The following CD226 variants were observed in gnomAD, a reference collection of about 807,000 sequenced individuals.
CD226 encodes the protein CD226 molecule, also known as CD226 antigen.
CD226 carries 24 observed loss-of-function variants against 34.9 expected under a neutral mutation model. The ratio of observed to expected loss-of-function variants is 0.69; its 90% CI spans 0.50 to 0.97. The LOEUF (loss-of-function observed/expected upper bound fraction) is 0.97. Ranked by LOEUF, CD226 falls within the 50% of genes least tolerant of loss-of-function variation. The pLI, the probability that CD226 is intolerant of heterozygous loss-of-function variation, is 0.00. For synonymous variants in CD226, 148 were observed against 147.4 expected (o/e 1.00, Z -0.03); for missense variants, 397 against 412.7 (o/e 0.96, Z 0.33).
At chr18:69,944,572 T>C (rs575939890) in intron 2 of CD226, 1 of 152,370 alleles carries the variant, frequency 6.6e-6, no homozygotes, top group East Asian at 1.9e-4. Flanking sequence ...GGTTGTCCTG[T>C]GACAGAAACC....
In CD226 at chr18:69,863,429, C is replaced by T. The variant is rs1240221721; in HGVS notation, c.*885G>A. 1 of 152,116 alleles carries T rather than the reference C, an allele frequency of 6.6e-6. No individual in the cohort carries two copies. The highest frequency in any genetic ancestry group is 1.5e-5 in the Non-Finnish European group (1 of 68,010). 9.4% of individuals were successfully genotyped at this position (152,116 alleles called of 1,614,324 possible). ...TAGACCTGGGATGGCGGCAAGAATT[C>T]TATACAGAATGAGAGATAAATAAAT... On this transcript the variant is annotated 3_prime_UTR_variant, in exon 6 of 6. Transcript: ENST00000582621.
At chr18:69,885,647 TC>T (rs921085581) in intron 3 of CD226, among the ~76,000 whole-genome samples, 3 of 152,116 alleles carry the variant, frequency 2.0e-5, no homozygotes, top group African/African-American at 7.2e-5. Flanking sequence ...TCACCAGGTC[TC>T]CTTTGCGCAG....
chr18:69,921,425 T>C (rs2055449665), intron 2 of CD226, among the ~76,000 whole-genome samples: 1 of 152,226 alleles, frequency 6.6e-6, no homozygotes, highest in Admixed American at 6.5e-5. Flanking sequence ...ATCTGCACTC[T>C]GGCCATCTCT....
chr18:69,879,097 G>A (rs2145203881), intron 3 of CD226, among the ~76,000 whole-genome samples: 1 of 152,272 alleles, frequency 6.6e-6, no homozygotes, highest in South Asian at 2.1e-4. Flanking sequence ...GAGATCACAT[G>A]CTTCAAGGGC....
chr18:69,881,332 G>A (rs1984248856), intron 3 of CD226, among the ~76,000 whole-genome samples: 1 of 152,164 alleles, frequency 6.6e-6, no homozygotes, highest in Non-Finnish European at 1.5e-5. Flanking sequence ...TCTATATAAT[G>A]TAAACAAATA....
upstream of CD226, chr18:69,961,557 C>T (rs542802487): frequency 6.6e-6 from 1 of 152,292 alleles, no homozygotes; most frequent in African/African-American, 2.4e-5. Context: ...GTGAAAGGTG[C>T]TCCCTGGAGC....
chr18:69,874,144 T>C (rs1983720257), intron 3 of CD226, among the ~76,000 whole-genome samples: 2 of 152,180 alleles, frequency 1.3e-5, no homozygotes, highest in African/African-American at 4.8e-5. Context: ...TTCCTTACTG[T>C]GGATGTGTCT....
chr18:69,949,009 G>A (rs185368244), upstream of CD226, among the ~76,000 whole-genome samples: 57 of 152,290 alleles, frequency 3.7e-4, no homozygotes, highest in African/African-American at 1.3e-3. Flanking sequence ...AAAAGTGGGG[G>A]GAAAACAGAG....
In CD226 at chr18:69,859,911, A is replaced by C. The variant is rs1982729592; in HGVS notation, c.*4403T>G. The C allele has an allele frequency of 6.6e-6, 1 of 152,176 alleles. No individual in the cohort carries two copies. The highest frequency in any genetic ancestry group is 2.4e-5 in the African/African-American group (1 of 41,428). The allele number at this position is 152,176 out of a possible 1,614,324, so 9.4% of individuals were successfully genotyped here. A position where few individuals can be genotyped will look rare whatever the true frequency, so the allele number is the denominator to read the frequency against. ...AACGTGGAGAAACCCCGTCTCCACTAAAAATACAAAATTAGCCAGGCATGT... is the reference window on the plus strand; with the variant it reads ...AACGTGGAGAAACCCCGTCTCCACTCAAAATACAAAATTAGCCAGGCATGT... On this transcript the variant is annotated 3_prime_UTR_variant, in exon 6 of 6. Transcript: ENST00000582621.
rs1199205163 is a variant in CD226 at position 69,861,050 on chromosome 18, T to C, written c.*3264A>G. ...CTGTAATTTTTACTTAATGCCATTC[T>C]ATACAAACCAATATAACTTGGATGT... On this transcript the variant is annotated 3_prime_UTR_variant, in exon 6 of 6. Transcript: ENST00000582621. 2 of 152,118 alleles carry C rather than the reference T, an allele frequency of 1.3e-5. No homozygotes were observed. The highest frequency in any genetic ancestry group is 2.4e-5 in the African/African-American group (1 of 41,468). The allele number at this position is 152,118 out of a possible 1,614,324, so 9.4% of individuals were successfully genotyped here. A position where few individuals can be genotyped will look rare whatever the true frequency, so the allele number is the denominator to read the frequency against.
chr18:69,867,454 C>CT, intron 4 of CD226, 43 bp from the exon 5 acceptor site: 1 of 1,234,270 alleles, frequency 8.1e-7, no homozygotes, highest in East Asian at 2.3e-5. Context: ...TATGATATTC[C>CT]AGTACTAATA....
At chr18:69,902,182 C>T (rs1246059175) in intron 2 of CD226, among the ~76,000 whole-genome samples, 1 of 152,166 alleles carries the variant, frequency 6.6e-6, no homozygotes, top group African/African-American at 2.4e-5. Context: ...GTATCTTTAA[C>T]CTCCAATTCT....
chr18:69,930,435 AG>A (rs2145331033), intron 2 of CD226, among the ~76,000 whole-genome samples: 1 of 152,262 alleles, frequency 6.6e-6, no homozygotes, highest in Non-Finnish European at 1.5e-5. Context: ...CTGAGAACAC[AG>A]GGACCACCGG....
upstream of CD226, among the ~76,000 whole-genome samples, chr18:69,950,226 TCA>T (rs984893058): frequency 1.2e-4 from 19 of 152,058 alleles, no homozygotes; most frequent in African/African-American, 3.6e-4. Flanking sequence ...TTACACATGC[TCA>T]CACACATTTG....
chr18:69,881,078 T>C (rs1007603360), intron 3 of CD226, among the ~76,000 whole-genome samples: 4 of 152,212 alleles, frequency 2.6e-5, no homozygotes, highest in African/African-American at 9.6e-5. Flanking sequence ...GATATGTTAA[T>C]TGGCTTGATT....
rs749537874 is a variant in CD226, at chr18:69,862,031, C to G, written c.*2283G>C. 6.6e-6 allele frequency: 1 copy of G among 151,986 alleles called. No homozygotes were observed. The highest frequency in any genetic ancestry group is 1.5e-5 in the Non-Finnish European group (1 of 67,972). The allele number at this position is 151,986 out of a possible 1,614,324, so 9.4% of individuals were successfully genotyped here. On this transcript the variant is annotated 3_prime_UTR_variant, in exon 6 of 6. Transcript: ENST00000582621. The stretch of plus-strand genomic sequence containing the variant: ...TCTCATCAATATTTTGAATGAGAGA[C>G]CAAAAACACAAACACACACAAGGAA...
chr18:69,934,080 C>T (rs568660423), intron 2 of CD226, among the ~76,000 whole-genome samples: 12 of 152,290 alleles, frequency 7.9e-5, no homozygotes, highest in African/African-American at 2.6e-4. Flanking sequence ...GAGACATATA[C>T]TAACATTACC....
At chr18:69,880,032 C>T (rs1176155932) in intron 3 of CD226, among the ~76,000 whole-genome samples, 2 of 152,070 alleles carry the variant, frequency 1.3e-5, no homozygotes, top group Non-Finnish European at 2.9e-5. Context: ...TCTGGACAGT[C>T]GAACATGTTT....
At chr18:69,892,535 T>C (rs1984966418) in intron 3 of CD226, among the ~76,000 whole-genome samples, 2 of 152,322 alleles carry the variant, frequency 1.3e-5, no homozygotes, top group South Asian at 4.1e-4. Context: ...AGGACATAAG[T>C]GCAAAGGACA....
Sources: allele counts gnomAD v4.1 joint callset (sites outside exome capture counted in the v4.1 genomes callset), GRCh38; gene constraint gnomAD v4.1.1; transcripts MANE v1.5; gene names NCBI Gene and HGNC (gene_info 2026-07-23, HGNC 2026-07-21).